ANKRD30B: variants seen among roughly 807,000 people sequenced by gnomAD.
ANKRD30B encodes ankyrin repeat domain-containing protein 30B.
In ANKRD30B, 144 loss-of-function variants were observed where a neutral mutation model predicts 202.2. That is an observed-to-expected ratio of 0.71 (90% CI 0.62 to 0.82). The LOEUF (loss-of-function observed/expected upper bound fraction) is 0.82, where lower values mean the gene tolerates loss of function less well. Among genes scored for constraint, ANKRD30B ranks in the 40% least tolerant of loss-of-function variants. The pLI, the probability that ANKRD30B is intolerant of heterozygous loss-of-function variation, is 0.00. For missense variants in ANKRD30B, 1,487 were observed against 1,669.1 expected, an observed-to-expected ratio of 0.89 and a Z score of 1.90; for synonymous variants, 508 against 561.3, an observed-to-expected ratio of 0.91 and a Z score of 1.34.
At chr18:14,772,384 G>GTT (rs61387617) in intron 9 of ANKRD30B, among the ~76,000 whole-genome samples, 156 bp downstream of exon 9, 2 of 148,226 alleles carry the variant, frequency 1.3e-5, no homozygotes, top group East Asian at 2.0e-4. Context: ...GATTTAAACA[G>GTT]TTTTTTTTTT....
the ANKRD30B span, among the ~76,000 whole-genome samples, chr18:14,881,087 T>C: frequency 1.3e-5 from 2 of 152,196 alleles, no homozygotes; most frequent in Non-Finnish European, 2.9e-5. Flanking sequence ...TTCCTTCTTT[T>C]GTCTGATTGC....
chr18:14,896,380 C>A, the ANKRD30B span, among the ~76,000 whole-genome samples: 1 of 152,114 alleles, frequency 6.6e-6, no homozygotes, highest in African/African-American at 2.4e-5. Flanking sequence ...ATCTGCCCAC[C>A]TCGGCCTCCC....
At chr18:14,939,002 T>C in the ANKRD30B span, among the ~76,000 whole-genome samples, 717 of 152,268 alleles carry the variant, frequency 4.7e-3, 8 homozygotes, top group African/African-American at 0.017. Context: ...GCTGCTGTCA[T>C]CTAGGCCAGG....
chr18:14,937,705 CTG>C, the ANKRD30B span, among the ~76,000 whole-genome samples: 3 of 152,218 alleles, frequency 2.0e-5, no homozygotes, highest in Non-Finnish European at 4.4e-5. Flanking sequence ...CTCAATAAAT[CTG>C]TGCTTTTGTT....
At chr18:14,798,266 T>C (rs544620455) in intron 20 of ANKRD30B, among the ~76,000 whole-genome samples, 1 of 151,676 alleles carries the variant, frequency 6.6e-6, no homozygotes, top group Non-Finnish European at 1.5e-5. Context: ...GGTGGGTTAA[T>C]GAGGGATTTA....
Position 14,848,789 on chromosome 18 carries a change from CTG to C in ANKRD30B, c.3258_3259del (p.Cys1086Ter). ...ERGRELKKDN[C>X]EQITAKMEQT... ...GAGGAAGGGAACTTAAAAAAGATAA[CTG>C]TGAACAAATTACAGCAAAAATGGAA... On this transcript the variant is annotated frameshift_variant, in exon 40 of 44. Transcript: ENST00000690538. LOFTEE classifies it high-confidence loss of function. 1 of 1,575,576 alleles carries C rather than the reference CTG, an allele frequency of 6.3e-7. No homozygotes were observed. The highest frequency in any genetic ancestry group is 1.2e-5 in the South Asian group (1 of 85,906).
intron 3 of ANKRD30B, among the ~76,000 whole-genome samples, chr18:14,754,229 TAG>T (rs1913964943): frequency 6.6e-6 from 1 of 152,178 alleles, no homozygotes; most frequent in Non-Finnish European, 1.5e-5. Flanking sequence ...GGATTATTGA[TAG>T]AATAGAATCA....
chr18:14,911,722 T>G, the ANKRD30B span, among the ~76,000 whole-genome samples: 1 of 152,168 alleles, frequency 6.6e-6, no homozygotes, highest in African/African-American at 2.4e-5. Flanking sequence ...GGCTGTATGG[T>G]CACTTTAACA....
the ANKRD30B span, among the ~76,000 whole-genome samples, chr18:14,921,564 GA>G: frequency 9.9e-5 from 15 of 150,898 alleles, no homozygotes; most frequent in Admixed American, 6.6e-4. Flanking sequence ...AGTAAAAAGG[GA>G]AAAAAAAATC....
At chr18:14,918,574 G>A in the ANKRD30B span, among the ~76,000 whole-genome samples, 1 of 152,238 alleles carries the variant, frequency 6.6e-6, no homozygotes, top group East Asian at 1.9e-4. Context: ...CTCTAGGGAT[G>A]TATGTCTTCC....
chr18:14,926,059 C>T, the ANKRD30B span, among the ~76,000 whole-genome samples: 2 of 152,150 alleles, frequency 1.3e-5, no homozygotes, highest in Non-Finnish European at 2.9e-5. Flanking sequence ...TGAAGATAAA[C>T]CTCAATTGCA....
At chr18:14,860,002 G>C in the ANKRD30B span, among the ~76,000 whole-genome samples, 5 of 138,038 alleles carry the variant, frequency 3.6e-5, no homozygotes, top group East Asian at 1.2e-3. Context: ...TTCCCAGACA[G>C]GGTGGGAGCT....
chr18:14,773,362 A>C (rs34736310), intron 9 of ANKRD30B, among the ~76,000 whole-genome samples: 18,478 of 148,044 alleles, frequency 0.12, 1,325 homozygotes, highest in South Asian at 0.25. Flanking sequence ...CTATAAAAAG[A>C]TTTTAAGAGG....
the ANKRD30B span, chr18:14,888,903 A>C: frequency 2.8e-6 from 3 of 1,081,984 alleles, no homozygotes; most frequent in South Asian, 1.4e-5. Flanking sequence ...TCTTTCTGTT[A>C]AAACAAACAA....
intron 7 of ANKRD30B, among the ~76,000 whole-genome samples, chr18:14,766,075 T>C (rs1916081649): frequency 1.3e-5 from 2 of 152,050 alleles, no homozygotes; most frequent in South Asian, 2.1e-4. Context: ...ACAGTTAATA[T>C]GGTTTAGTTA....
intron 30 of ANKRD30B, among the ~76,000 whole-genome samples, chr18:14,820,217 C>T (rs1360933064): frequency 6.6e-6 from 1 of 152,064 alleles, no homozygotes; most frequent in Non-Finnish European, 1.5e-5. Flanking sequence ...GATTTTGTAT[C>T]CTGAGACTTT....
At chr18:14,906,790 T>A in the ANKRD30B span, among the ~76,000 whole-genome samples, 1 of 151,812 alleles carries the variant, frequency 6.6e-6, no homozygotes, top group African/African-American at 2.4e-5. Context: ...CTTGAGAACG[T>A]GTGCTCAAGG....
chr18:14,832,952 T>C (rs1302857601), intron 34 of ANKRD30B, among the ~76,000 whole-genome samples: 3 of 152,218 alleles, frequency 2.0e-5, no homozygotes. Context: ...TTTTTGTTTT[T>C]TTGAGATGGA....
chr18:14,764,539 A>G (rs1304764396), intron 7 of ANKRD30B, among the ~76,000 whole-genome samples: 6 of 149,928 alleles, frequency 4.0e-5, no homozygotes, highest in Admixed American at 1.3e-4. Context: ...GATTACAGGC[A>G]CCCACCACCA....
Sources: allele counts gnomAD v4.1 joint callset (sites outside exome capture counted in the v4.1 genomes callset), GRCh38; gene constraint gnomAD v4.1.1; transcripts MANE v1.5; gene names NCBI Gene and HGNC (gene_info 2026-07-23, HGNC 2026-07-21).